Variants in GAA observed in about 807,000 individuals in gnomAD.
GAA encodes the protein alpha glucosidase.
Under a neutral mutation model 103.9 loss-of-function variants are expected in GAA, and 88 were observed. That is an observed-to-expected ratio of 0.85 (90% CI 0.71 to 1.01). The LOEUF (loss-of-function observed/expected upper bound fraction) is 1.01, where lower values mean the gene tolerates loss of function less well. GAA is among the 50% of genes least tolerant of loss of function. The probability of loss-of-function intolerance (pLI) is 0.00; values close to 1 mark genes in which losing one functional copy is unlikely to be tolerated. For missense variants in GAA, 1,350 were observed against 1,305.3 expected (o/e 1.03, Z -0.53); for synonymous variants, 572 against 563.1 (o/e 1.02, Z -0.22).
intron 1 of GAA, among the ~76,000 whole-genome samples, chr17:80,103,497 C>T (rs868491059): frequency 3.9e-5 from 6 of 152,174 alleles, no homozygotes; most frequent in Non-Finnish European, 7.4e-5. Context: ...CATATTGAAT[C>T]GCATGTGGGT....
chr17:80,113,772 A>C (rs1044663008), intron 15 of GAA, among the ~76,000 whole-genome samples: 1 of 152,076 alleles, frequency 6.6e-6, no homozygotes, highest in African/African-American at 2.4e-5. Flanking sequence ...TAATCCCAGA[A>C]CTTTGGGAGG....
chr17:80,118,076 C>G, intron 17 of GAA, 117 bp from the exon 18 acceptor site: 1 of 1,214,986 alleles, frequency 8.2e-7, no homozygotes, highest in Non-Finnish European at 1.2e-6. Flanking sequence ...GCAGGTGTTC[C>G]TGCAGATCCT....
Position 80,107,725 on chromosome 17 carries a change from A to AGAG in GAA, c.858+3_858+4insGAG, listed in dbSNP as rs757426536. 7.7e-6 allele frequency: 9 copies of AGAG among 1,173,700 alleles called. No individual in the cohort carries two copies. Among genetic ancestry groups the AGAG allele is most frequent in the Non-Finnish European group, 9.4e-6 (8 of 851,320 alleles). The allele number at this position is 1,173,700 out of a possible 1,614,324, so 72.7% of individuals were successfully genotyped here. On this transcript the variant is annotated splice_donor_region_variant and intron_variant, in intron 4 of 19. Coordinates refer to ENST00000302262, the MANE Select transcript of GAA (RefSeq NM_000152.5). ...GGAACCGGGACCTTGCGCCCACGGT[A>AGAG]CAGCGGCGGGCGGCGGGCGGGGGCA... is the stretch of plus-strand genomic sequence containing the variant.
intron 8 of GAA, 137 bp downstream of exon 8, chr17:80,108,965 T>C: frequency 8.5e-7 from 1 of 1,170,548 alleles, no homozygotes; most frequent in South Asian, 1.6e-5. Flanking sequence ...ATCGAGGGAA[T>C]ATCAAGAAGT....
rs765362308 is a variant in GAA at position 80,112,056 on chromosome 17, C to G, written c.1710C>G (p.Asn570Lys). The change falls in exon 12 of 20, where the codon AAC (asparagine) becomes AAG (lysine). Residue 570 changes from asparagine (N) to lysine (K), a missense_variant. Coordinates refer to ENST00000302262, the MANE Select transcript of GAA (RefSeq NM_000152.5). ...SSHQFLSTHYNLHNLYGLTEA... is the reference protein window; with the variant it reads ...SSHQFLSTHYKLHNLYGLTEA... ...ACCAGTTTCTCTCCACACACTACAA[C>G]CTGCACAACCTCTACGGCCTGACCG... 4 of 1,613,996 alleles carry G rather than the reference C, an allele frequency of 2.5e-6. No individual in the cohort carries two copies. In the African/African-American group the frequency reaches 4.0e-5, roughly 16 times the overall value.
chr17:80,106,044 C>T (rs2039079386), intron 3 of GAA, 150 bp downstream of exon 3: 5 of 1,001,614 alleles, frequency 5.0e-6, no homozygotes, highest in Admixed American at 2.7e-5. Flanking sequence ...GGGCATTTCT[C>T]ACAGGGCGCT....
chr17:80,106,952 G>A lies in GAA; in HGVS notation c.693-605G>A, dbSNP rs144698192. The stretch of plus-strand genomic sequence containing the variant: ...ACAAACAGGCATCTTATCAGATCTC[G>A]GTCTTGAAAGCACTCAGCGTAGTCT... On this transcript the variant is annotated intron_variant, in intron 3 of 19. Transcript: ENST00000302262. Among the ~76,000 whole-genome samples the A allele has an allele frequency of 1.9e-3, 289 of 152,280 alleles. 1 individual carries two copies. Among genetic ancestry groups the A allele is most frequent in the African/African-American group, 6.5e-3 (269 of 41,560 alleles).
rs371971763 is a variant in GAA, at chr17:80,104,782, C to T, written c.196C>T (p.Arg66Trp). The stretch of plus-strand genomic sequence containing the variant: ...GCAGGGAGCCAGCAGACCAGGGCCC[C>T]GGGATGCCCAGGCACACCCCGGCCG... ...HQQGASRPGP[R>W]DAQAHPGRPR... Residue 66 changes from arginine to tryptophan, a missense_variant, in exon 2 of 20, where the codon CGG (arginine) becomes TGG (tryptophan). Coordinates refer to ENST00000302262, the MANE Select transcript of GAA (RefSeq NM_000152.5). The surrounding 1 kb of genome is among the most constrained non-coding windows in gnomAD (Gnocchi z 4.0). 6.8e-6 allele frequency: 11 copies of T among 1,611,406 alleles called. No individual in the cohort carries two copies. The highest frequency in any genetic ancestry group is 5.3e-5 in the African/African-American group (4 of 74,880).
rs786204727 is a variant in GAA at position 80,112,648 on chromosome 17, T to TA, written c.1826dup (p.Tyr609Ter). The stretch of plus-strand genomic sequence containing the variant: ...CTCGACCTTTGCTGGCCACGGCCGA[T>TA]ACGCCGGCCACTGGACGGGGGACGT... ...SRSTFAGHGR[Y>*]AGHWTGDVWS... Residue 609 changes from tyrosine (Y) to a stop codon, truncating the protein, a stop_gained and frameshift_variant, in exon 13 of 20, where the codon TAC becomes TAAC. Coordinates refer to ENST00000302262, the MANE Select transcript of GAA (RefSeq NM_000152.5). LOFTEE classifies it high-confidence loss of function. The TA allele has an allele frequency of 6.2e-6, 10 of 1,612,610 alleles. No homozygotes were observed. The highest frequency in any genetic ancestry group is 2.7e-5 in the African/African-American group (2 of 74,936).
At chr17:80,118,487 T>A (rs1598593865) in intron 18 of GAA, 130 bp downstream of exon 18, 1 of 1,422,992 alleles carries the variant, frequency 7.0e-7, no homozygotes, top group Non-Finnish European at 9.8e-7. Flanking sequence ...TGGCCTGGGG[T>A]CCTAGAGTGA....
rs1381005435 is a variant in GAA, at chr17:80,116,988, C to T, written c.2210C>T (p.Thr737Ile). 1.9e-6 allele frequency: 3 copies of T among 1,613,698 alleles called. No homozygotes were observed. Among genetic ancestry groups the T allele is most frequent in the East Asian group, 2.2e-5 (1 of 44,892 alleles). The stretch of plus-strand genomic sequence containing the variant: ...TGCAGGTTCCCCAAGGACTCTAGCA[C>T]CTGGACTGTGGACCACCAGCTCCTG... ...LFLEFPKDSS[T>I]WTVDHQLLWG... is the part of the protein sequence containing the mutation. The change falls in exon 16 of 20, where the codon ACC (threonine) becomes ATC (isoleucine). Residue 737 changes from threonine to isoleucine, a missense_variant. Coordinates refer to ENST00000302262, the MANE Select transcript of GAA (RefSeq NM_000152.5).
Position 80,112,245 on chromosome 17 carries a change from G to T in GAA, c.1754+145G>T, listed in dbSNP as rs539025078. The T allele has an allele frequency of 2.1e-5, 16 of 773,270 alleles. No individual in the cohort carries two copies. The East Asian group carries it at 3.9e-4, about 19-fold the overall frequency. The allele number at this position is 773,270 out of a possible 1,614,324, so 47.9% of individuals were successfully genotyped here. A position where few individuals can be genotyped will look rare whatever the true frequency, so the allele number is the denominator to read the frequency against. On this transcript the variant is annotated intron_variant, in intron 12 of 19. Coordinates refer to ENST00000302262, the MANE Select transcript of GAA (RefSeq NM_000152.5). ...GGCGGCCCGAGTGCTCTCCCCACCC[G>T]CTGCCTGCACCCCAGCCTGAAGCTG...
intron 16 of GAA, 89 bp downstream of exon 16, chr17:80,117,198 G>A: frequency 7.1e-7 from 1 of 1,414,616 alleles, no homozygotes. Flanking sequence ...GTGACCAGGT[G>A]GCGGAAAGAG....
chr17:80,116,292 G>C (rs2039351357), intron 15 of GAA, among the ~76,000 whole-genome samples: 1 of 152,230 alleles, frequency 6.6e-6, no homozygotes, highest in South Asian at 2.1e-4. Flanking sequence ...GTACATATCA[G>C]TCAATGTTTT....
At position 80,107,479 on chromosome 17, in the gene GAA, C is replaced by T. The variant is rs74003611; in HGVS notation, c.693-78C>T. 0.033 allele frequency: 52,398 copies of T among 1,592,170 alleles called. 2,562 individuals are homozygous for T. The highest frequency in any genetic ancestry group is 0.15 in the African/African-American group (10,933 of 74,612). On this transcript the variant is annotated intron_variant, in intron 3 of 19. Transcript: ENST00000302262. Reference sequence around the variant, plus strand: ...TCCGCCCTCCCAGGGCACCAGGGCCCGGGGGTGCTCTCTGGGTGCTCTCAG... The same window carrying T: ...TCCGCCCTCCCAGGGCACCAGGGCCTGGGGGTGCTCTCTGGGTGCTCTCAG...
chr17:80,112,333 G>A (rs1378037124), intron 12 of GAA: 1 of 641,172 alleles, frequency 1.6e-6, no homozygotes, highest in African/African-American at 1.8e-5. Flanking sequence ...GCTGACAGGA[G>A]TCTGCATCAG....
chr17:80,116,959 C>T lies in GAA; in HGVS notation c.2190-9C>T. On this transcript the variant is annotated splice_polypyrimidine_tract_variant and intron_variant, in intron 15 of 19. Coordinates refer to ENST00000302262, the MANE Select transcript of GAA (RefSeq NM_000152.5). ...CACCCGTATGCCTGTGTGCCCATCC[C>T]CCTTGCAGGTTCCCCAAGGACTCTA... 6.2e-7 allele frequency: 1 copy of T among 1,613,710 alleles called. No individual in the cohort carries two copies. The highest frequency in any genetic ancestry group is 2.2e-5 in the East Asian group (1 of 44,876).
At chr17:80,112,524 G>T in intron 12 of GAA, 54 bp from the exon 13 acceptor site, 14 of 1,609,380 alleles carry the variant, frequency 8.7e-6, no homozygotes, top group Non-Finnish European at 1.2e-5. Flanking sequence ...TGGTGACAGG[G>T]TTCCCGAGTG....
In GAA at chr17:80,116,496, G is replaced by A. The variant is rs977567955; in HGVS notation, c.2190-472G>A. On this transcript the variant is annotated intron_variant, in intron 15 of 19. Coordinates refer to ENST00000302262, the MANE Select transcript of GAA (RefSeq NM_000152.5). ...CAGGGCAGGACAGTCTCCGTTAGAC[G>A]GAGAATCCTCCGTAGAGCTGCTTGC... Among the ~76,000 whole-genome samples, 5 of 152,346 alleles carry A rather than the reference G, an allele frequency of 3.3e-5. No individual in the cohort carries two copies. In the East Asian group the frequency reaches 5.8e-4, roughly 18 times the overall value.
Sources: gnomAD v4.1 joint callset for allele counts (sites outside exome capture counted in the v4.1 genomes callset) on GRCh38, gnomAD v4.1.1 for gene constraint, Gnocchi (gnomAD v3.1) non-coding constraint, MANE v1.5 for transcripts, NCBI Gene and HGNC (gene_info 2026-07-23, HGNC 2026-07-21) for gene names.